The following MAP4K4 variants were observed in gnomAD, a reference collection of about 807,000 sequenced individuals.
The protein encoded by MAP4K4 is mitogen-activated protein kinase kinase kinase kinase 4, also known as HPK/GCK-like kinase HGK.
MAP4K4 carries 38 observed loss-of-function variants against 189.6 expected under a neutral mutation model. The ratio of observed to expected loss-of-function variants is 0.20; its 90% CI spans 0.15 to 0.26. MAP4K4 has a LOEUF of 0.26. Ranked by LOEUF, MAP4K4 falls within the 10% of genes least tolerant of loss-of-function variation. The pLI, the probability that MAP4K4 is intolerant of heterozygous loss-of-function variation, is 1.00. For missense variants in MAP4K4, 1,054 were observed against 1,726.9 expected (o/e 0.61, Z 6.91); for synonymous variants, 610 against 624.3 (o/e 0.98, Z 0.34).
At chr2:101,727,622 A>G (rs1425175489) in intron 2 of MAP4K4, among the ~76,000 whole-genome samples, 1 of 152,200 alleles carries the variant, frequency 6.6e-6, no homozygotes, top group East Asian at 1.9e-4. Context: ...GAAATAGGCA[A>G]TTGCCTCTTT....
intron 2 of MAP4K4, among the ~76,000 whole-genome samples, chr2:101,781,909 C>T (rs1019374833): frequency 3.3e-5 from 5 of 152,230 alleles, no homozygotes; most frequent in African/African-American, 1.2e-4. Context: ...CACCTGCCAT[C>T]TGTCCTAGAA....
chr2:101,746,357 G>A (rs1378297440), intron 2 of MAP4K4, among the ~76,000 whole-genome samples: 1 of 150,770 alleles, frequency 6.6e-6, no homozygotes, highest in African/African-American at 2.4e-5. Flanking sequence ...AATAAACATG[G>A]TTTTTATTGG....
intron 16 of MAP4K4, chr2:101,862,341 G>A (rs558668904): frequency 6.7e-6 from 1 of 149,772 alleles, no homozygotes; most frequent in South Asian, 2.2e-4. Flanking sequence ...AGTTTTTTGA[G>A]TCCCAGGAGA....
exon 19 of MAP4K4, chr2:101,866,579 T>C (rs763902533): frequency 1.2e-6 from 2 of 1,611,754 alleles, no homozygotes; most frequent in Non-Finnish European, 1.7e-6. Context: ...CAGAGTGAGA[T>C]GTAAGCTGCC....
At chr2:101,861,514 G>A (rs976139896) in intron 16 of MAP4K4, 34 of 152,552 alleles carry the variant, frequency 2.2e-4, no homozygotes, top group African/African-American at 7.7e-4. Flanking sequence ...ATTCTCACAG[G>A]GTTCAAGATC....
chr2:101,736,228 TC>T (rs1325701267), intron 2 of MAP4K4, among the ~76,000 whole-genome samples: 2 of 152,202 alleles, frequency 1.3e-5, no homozygotes, highest in Non-Finnish European at 2.9e-5. Flanking sequence ...GTCCAACAGT[TC>T]CCTTCCTTCA....
intron 5 of MAP4K4, 139 bp from the exon 6 acceptor site, chr2:101,829,365 A>G (rs912736800): frequency 3.4e-6 from 2 of 596,180 alleles, no homozygotes; most frequent in Non-Finnish European, 6.2e-6. Flanking sequence ...CTTCCTGGGA[A>G]TGCACTAAGA....
chr2:101,753,199 TAC>T (rs1188159400), intron 2 of MAP4K4, among the ~76,000 whole-genome samples: 5 of 152,226 alleles, frequency 3.3e-5, no homozygotes, highest in African/African-American at 1.2e-4. Flanking sequence ...GATGTATAGG[TAC>T]AGAGCTACTA....
At chr2:101,720,958 A>C (rs1294104068) in intron 2 of MAP4K4, among the ~76,000 whole-genome samples, 1 of 152,234 alleles carries the variant, frequency 6.6e-6, no homozygotes, top group Non-Finnish European at 1.5e-5. Context: ...AGTCACATTA[A>C]TAAAAACCAC....
intron 27 of MAP4K4, among the ~76,000 whole-genome samples, chr2:101,877,895 A>G (rs905954377): frequency 3.3e-5 from 5 of 152,040 alleles, no homozygotes; most frequent in Admixed American, 2.6e-4. Flanking sequence ...GACTACAGGC[A>G]CTTCCCACCA....
At chr2:101,778,948 C>A (rs540398189) in intron 2 of MAP4K4, among the ~76,000 whole-genome samples, 1 of 152,228 alleles carries the variant, frequency 6.6e-6, no homozygotes, top group African/African-American at 2.4e-5. Context: ...AGCTGTGTGA[C>A]CTTCGGCTCG....
intron 2 of MAP4K4, among the ~76,000 whole-genome samples, chr2:101,749,833 A>G (rs1408637921): frequency 7.6e-6 from 1 of 131,528 alleles, no homozygotes; most frequent in South Asian, 2.3e-4. Flanking sequence ...AAACAACCCC[A>G]TCAAAAAGTG....
At chr2:101,793,050 C>T (rs2093188223) in intron 3 of MAP4K4, among the ~76,000 whole-genome samples, 1 of 152,146 alleles carries the variant, frequency 6.6e-6, no homozygotes, top group South Asian at 2.1e-4. Flanking sequence ...TTTTGTATCC[C>T]ACTTTTGTTG....
chr2:101,856,131 G>A, exon 13 of MAP4K4: 2 of 1,550,922 alleles, frequency 1.3e-6, no homozygotes, highest in Non-Finnish European at 1.7e-6. Context: ...AGAGTTGAAA[G>A]AGAACAGGTT....
chr2:101,800,086 C>T (rs937818924), intron 3 of MAP4K4, among the ~76,000 whole-genome samples: 1 of 151,586 alleles, frequency 6.6e-6, no homozygotes, highest in Non-Finnish European at 1.5e-5. Flanking sequence ...AAAGAATGCC[C>T]CAAGACAAAA....
At chr2:101,818,305 T>A (rs995213577) in intron 3 of MAP4K4, among the ~76,000 whole-genome samples, 7 of 152,206 alleles carry the variant, frequency 4.6e-5, no homozygotes. Context: ...TCCAGAGATA[T>A]TTGTATATCT....
At chr2:101,743,610 G>C (rs1161514283) in intron 2 of MAP4K4, among the ~76,000 whole-genome samples, 2 of 152,004 alleles carry the variant, frequency 1.3e-5, no homozygotes, top group Non-Finnish European at 2.9e-5. Flanking sequence ...TGTTTACTAG[G>C]GGGAAAATAC....
chr2:101,707,898 C>G (rs2043229572), intron 2 of MAP4K4, among the ~76,000 whole-genome samples: 1 of 147,710 alleles, frequency 6.8e-6, no homozygotes, highest in African/African-American at 2.5e-5. Context: ...GATGGGGTTT[C>G]ACCGTGTTAG....
intron 3 of MAP4K4, among the ~76,000 whole-genome samples, chr2:101,811,755 G>A (rs1485235046): frequency 2.0e-5 from 3 of 152,178 alleles, no homozygotes; most frequent in African/African-American, 7.2e-5. Context: ...TGTGGTTGGG[G>A]CACTTGTTAA....
Sources: allele counts gnomAD v4.1 joint callset (sites outside exome capture counted in the v4.1 genomes callset), GRCh38; gene constraint gnomAD v4.1.1; transcripts MANE v1.5; gene names NCBI Gene and HGNC (gene_info 2026-07-23, HGNC 2026-07-21).